The following RFX1 variants were observed in gnomAD, a reference collection of about 807,000 sequenced individuals.
RFX1 encodes MHC class II regulatory factor RFX1.
Under a neutral mutation model 119.6 loss-of-function variants are expected in RFX1, and 42 were observed. The observed-to-expected ratio is 0.35, with a 90% CI of 0.27 to 0.45. The LOEUF is 0.45. RFX1 is among the 20% of genes least tolerant of loss of function. The probability of loss-of-function intolerance (pLI) is 1.00; values close to 1 mark genes in which losing one functional copy is unlikely to be tolerated. For missense variants in RFX1, 1,118 were observed against 1,368.1 expected (o/e 0.82, Z 2.88); for synonymous variants, 628 against 618.5 (o/e 1.02, Z -0.23).
rs1222876052 is a variant in RFX1, at chr19:13,963,172, G to C, written c.2674C>G (p.His892Asp). Residue 892 changes from histidine (H) to aspartate (D), a missense_variant, in exon 19 of 21, where the codon CAC becomes GAC. By Grantham distance (81) the His-to-Asp change is moderately conservative (BLOSUM62 -1). Around this residue, in one of 5 missense-constraint regions of RFX1, gnomAD observed 32 missense variants for 71.5 expected, o/e 0.45. Transcript: ENST00000254325. ...YDEYMYYLIE[H>D]RVAQAKGETP... Reference sequence around the variant, plus strand: ...TCGCCCTTGGCCTGGGCTACGCGGTGCTCGATCAGGTAGTACATGTACTCG... The same window carrying C: ...TCGCCCTTGGCCTGGGCTACGCGGTCCTCGATCAGGTAGTACATGTACTCG... 6.2e-7 allele frequency: 1 copy of C among 1,612,638 alleles called. No homozygotes were observed. The highest frequency in any genetic ancestry group is 1.3e-5 in the African/African-American group (1 of 75,022).
chr19:13,976,417 G>T (rs1031549235), intron 8 of RFX1, among the ~76,000 whole-genome samples: 1 of 152,224 alleles, frequency 6.6e-6, no homozygotes, highest in Non-Finnish European at 1.5e-5. Flanking sequence ...AGGGAAGGTG[G>T]CATGGAGGAC....
Position 13,985,795 on chromosome 19 carries a change from G to A in RFX1, c.320-2200C>T, listed in dbSNP as rs1974572537. On this transcript the variant is annotated intron_variant, in intron 2 of 20. Transcript: ENST00000254325. The surrounding 1 kb of genome is among the most constrained non-coding windows in gnomAD (Gnocchi z 4.3). Reference sequence around the variant, plus strand: ...TCCAGGCAGGGCACAGGAGGGAGAGGGGCCTGGACAGGGCAGGAGGGCTAT... The same window carrying A: ...TCCAGGCAGGGCACAGGAGGGAGAGAGGCCTGGACAGGGCAGGAGGGCTAT... 1.3e-5 allele frequency among the ~76,000 whole-genome samples: 2 copies of A among 152,192 alleles called. No homozygotes were observed. The highest frequency in any genetic ancestry group is 4.8e-5 in the African/African-American group (2 of 41,448).
Position 13,962,402 on chromosome 19 carries a change from TGGGGCCTGGGAGGGGGGCGGCCAA to T in RFX1, c.*269_*292del. 1 of 427,012 alleles carries T rather than the reference TGGGGCCTGGGAGGGGGGCGGCCAA, an allele frequency of 2.3e-6. No homozygotes were observed. Among genetic ancestry groups the T allele is most frequent in the Non-Finnish European group, 4.1e-6 (1 of 246,518 alleles). 26.5% of individuals were successfully genotyped at this position (427,012 alleles called of 1,614,324 possible). A position where few individuals can be genotyped will look rare whatever the true frequency, so the allele number is the denominator to read the frequency against. On this transcript the variant is annotated 3_prime_UTR_variant, in exon 21 of 21. Coordinates refer to ENST00000254325, the MANE Select transcript of RFX1 (RefSeq NM_002918.5). ...GAGGACGGGGCTGGGGAGAAGACGC[TGGGGCCTGGGAGGGGGGCGGCCAA>T]GGGGCCGAGCTGGATGCCCCGCGGG... is the stretch of plus-strand genomic sequence containing the variant.
Position 13,985,087 on chromosome 19 carries a change from C to T in RFX1, c.320-1492G>A, listed in dbSNP as rs1974549467. 6.6e-6 allele frequency among the ~76,000 whole-genome samples: 1 copy of T among 152,076 alleles called. No homozygotes were observed. Among genetic ancestry groups the T allele is most frequent in the African/African-American group, 2.4e-5 (1 of 41,394 alleles). Reference sequence around the variant, plus strand: ...ATATTGCCCAGGCTGGTCTCGAACTCTTGGACTCAAGCAATCCACCTGCTT... The same window carrying T: ...ATATTGCCCAGGCTGGTCTCGAACTTTTGGACTCAAGCAATCCACCTGCTT... On this transcript the variant is annotated intron_variant, in intron 2 of 20. Transcript: ENST00000254325. This position sits in a 1 kb window ranked among gnomAD's most constrained non-coding sequence, Gnocchi z 4.3.
intron 1 of RFX1, among the ~76,000 whole-genome samples, chr19:14,004,591 G>C (rs1975313324): frequency 6.6e-6 from 1 of 151,910 alleles, no homozygotes; most frequent in South Asian, 2.1e-4. Flanking sequence ...ATCTCCACCT[G>C]TCCTAACTTT....
Position 13,976,006 on chromosome 19 carries a change from GGA to G in RFX1, c.929+1984_929+1985del, listed in dbSNP as rs1323058583. On this transcript the variant is annotated intron_variant, in intron 8 of 20. Coordinates refer to ENST00000254325, the MANE Select transcript of RFX1 (RefSeq NM_002918.5). The stretch of plus-strand genomic sequence containing the variant: ...AGAGAGGAATTCAGACAGAAGCAAA[GGA>G]GAGACAGGAGAGACGCTACCAGGGA... Among the ~76,000 whole-genome samples the G allele has an allele frequency of 2.2e-4, 33 of 152,250 alleles. 1 individual carries two copies. The highest frequency in any genetic ancestry group is 2.2e-3 in the Admixed American group (33 of 15,290).
rs143238251 is a variant in RFX1 at position 13,973,011 on chromosome 19, G to T, written c.1046C>A (p.Ala349Glu). Residue 349 changes from alanine (A) to glutamate (E), a missense_variant, in exon 9 of 21, where the codon GCG becomes GAG. Around this residue, in one of 5 missense-constraint regions of RFX1, gnomAD observed 542 missense variants for 602.7 expected, o/e 0.90. Coordinates refer to ENST00000254325, the MANE Select transcript of RFX1 (RefSeq NM_002918.5). ...TQVSTPATSQ[A>E]VASSGSMPMY... ...GGGCATGGAGCCACTGCTGGCCACC[G>T]CCTGGGAGGTGGCGGGGGTGCTGAC... is the stretch of plus-strand genomic sequence containing the variant. The T allele has an allele frequency of 1.9e-6, 3 of 1,600,926 alleles. No individual in the cohort carries two copies. Among genetic ancestry groups the T allele is most frequent in the Non-Finnish European group, 2.5e-6 (3 of 1,179,716 alleles).
chr19:13,974,355 G>C (rs767662966), intron 8 of RFX1, among the ~76,000 whole-genome samples: 16 of 152,252 alleles, frequency 1.1e-4, no homozygotes, highest in African/African-American at 3.9e-4. Flanking sequence ...TTCAGATATC[G>C]CGTGACGGGA....
At chr19:13,970,976 G>A (rs1460142962) in intron 9 of RFX1, among the ~76,000 whole-genome samples, 1 of 151,474 alleles carries the variant, frequency 6.6e-6, no homozygotes, top group Non-Finnish European at 1.5e-5. Flanking sequence ...ACTCCAACCT[G>A]TGCGACAGAG....
chr19:14,003,463 G>A (rs1975281342), intron 1 of RFX1, among the ~76,000 whole-genome samples: 2 of 148,852 alleles, frequency 1.3e-5, no homozygotes, highest in Admixed American at 6.6e-5. Context: ...AAGCCACGAG[G>A]GCTCTCACTG....
intron 2 of RFX1, among the ~76,000 whole-genome samples, chr19:13,984,920 C>T (rs1042459669): frequency 2.0e-5 from 3 of 152,234 alleles, no homozygotes; most frequent in Admixed American, 2.0e-4. Flanking sequence ...AGTGCAGTAG[C>T]ACGATCTTGG....
intron 7 of RFX1, among the ~76,000 whole-genome samples, chr19:13,979,200 C>T (rs569294996): frequency 9.1e-4 from 138 of 152,298 alleles, no homozygotes; most frequent in African/African-American, 3.2e-3. Flanking sequence ...CCCCGCCGCC[C>T]GGGGTCTCGG....
chr19:13,996,883 C>A (rs377632056), intron 1 of RFX1, among the ~76,000 whole-genome samples: 76 of 152,184 alleles, frequency 5.0e-4, no homozygotes, highest in African/African-American at 1.8e-3. Context: ...ACTACCACAT[C>A]CAGCTAATTT....
chr19:13,985,570 G>T lies in RFX1; in HGVS notation c.320-1975C>A, dbSNP rs73924097. Among the ~76,000 whole-genome samples the T allele has an allele frequency of 9.0e-4, 137 of 152,334 alleles. No individual in the cohort carries two copies. Among genetic ancestry groups the T allele is most frequent in the African/African-American group, 3.2e-3 (133 of 41,564 alleles). Reference sequence around the variant, plus strand: ...TCCAAGGTCAAATGCACCATCCACCGTGCAGGCCATGACGCAGGTTCCCCT... The same window carrying T: ...TCCAAGGTCAAATGCACCATCCACCTTGCAGGCCATGACGCAGGTTCCCCT... On this transcript the variant is annotated intron_variant, in intron 2 of 20. Transcript: ENST00000254325. The surrounding 1 kb of genome is among the most constrained non-coding windows in gnomAD (Gnocchi z 4.3).
chr19:13,966,290 C>A lies in RFX1; in HGVS notation c.1961+131G>T, dbSNP rs145268411. On this transcript the variant is annotated intron_variant, in intron 14 of 20. Coordinates refer to ENST00000254325, the MANE Select transcript of RFX1 (RefSeq NM_002918.5). This position sits in a 1 kb window ranked among gnomAD's most constrained non-coding sequence, Gnocchi z 6.3. ...GTGTCGGGTGGCTATACACACTCCA[C>A]ACAGCCAAGGATATGTGTACCCCAC... The A allele has an allele frequency of 1.5e-3, 956 of 622,278 alleles. 11 individuals are homozygous for A. In the African/African-American group the frequency reaches 0.015, roughly 10 times the overall value. The allele number at this position is 622,278 out of a possible 1,614,324, so 38.5% of individuals were successfully genotyped here.
In RFX1 at chr19:13,986,110, G is replaced by A. The variant is rs879719230; in HGVS notation, c.320-2515C>T. On this transcript the variant is annotated intron_variant, in intron 2 of 20. Coordinates refer to ENST00000254325, the MANE Select transcript of RFX1 (RefSeq NM_002918.5). The surrounding 1 kb of genome is among the most constrained non-coding windows in gnomAD (Gnocchi z 4.2). ...AGAGGGCCCCTCCTGGGAGAAACCC[G>A]AGACAGCCCCGAGTCATGTGACCGG... Among the ~76,000 whole-genome samples the A allele has an allele frequency of 6.6e-5, 10 of 152,160 alleles. No individual in the cohort carries two copies. The highest frequency in any genetic ancestry group is 2.0e-4 in the Admixed American group (3 of 15,278).
chr19:13,964,775 C>T (rs1018209644), intron 16 of RFX1, among the ~76,000 whole-genome samples: 1 of 152,218 alleles, frequency 6.6e-6, no homozygotes, highest in Non-Finnish European at 1.5e-5. Context: ...GCCACTACGC[C>T]CGGCCTCATT....
Position 13,963,753 on chromosome 19 carries a change from C to A in RFX1, c.2362-7G>T. 1 of 1,570,004 alleles carries A rather than the reference C, an allele frequency of 6.4e-7. No homozygotes were observed. Among genetic ancestry groups the A allele is most frequent in the South Asian group, 1.2e-5 (1 of 86,738 alleles). On this transcript the variant is annotated splice_polypyrimidine_tract_variant and splice_region_variant and intron_variant, in intron 17 of 20. Coordinates refer to ENST00000254325, the MANE Select transcript of RFX1 (RefSeq NM_002918.5). ...ACACCCACGAGGCCTGCTCCTGGGG[C>A]ACAGAGGGTGGGCGGGCGCCCGGGG...
chr19:13,994,534 G>C (rs984911482), intron 1 of RFX1, among the ~76,000 whole-genome samples: 1 of 151,960 alleles, frequency 6.6e-6, no homozygotes, highest in Non-Finnish European at 1.5e-5. Context: ...TGGCCAACAT[G>C]GTGAAACCCC....
Sources: allele counts gnomAD v4.1 joint callset (sites outside exome capture counted in the v4.1 genomes callset), GRCh38; gene constraint gnomAD v4.1.1; regional missense constraint gnomAD v4.1.1; non-coding constraint Gnocchi (gnomAD v3.1); transcripts MANE v1.5; gene names NCBI Gene and HGNC (gene_info 2026-07-23, HGNC 2026-07-21).